Variants in VAV3 observed in about 807,000 individuals in gnomAD.
The protein encoded by VAV3 is vav guanine nucleotide exchange factor 3.
VAV3 carries 94 observed loss-of-function variants against 131.2 expected under a neutral mutation model. The ratio of observed to expected loss-of-function variants is 0.72; its 90% CI spans 0.61 to 0.85. The LOEUF (loss-of-function observed/expected upper bound fraction) is 0.85, where lower values mean the gene tolerates loss of function less well. Ranked by LOEUF, VAV3 falls within the 40% of genes least tolerant of loss-of-function variation. The pLI is 0.00. For missense variants in VAV3, 939 were observed against 1,002.7 expected (o/e 0.94, Z 0.86); for synonymous variants, 349 against 342.0 (o/e 1.02, Z -0.22).
intron 2 of VAV3, among the ~76,000 whole-genome samples, chr1:107,821,898 G>A (rs565052614): frequency 3.9e-4 from 60 of 152,180 alleles, no homozygotes; most frequent in African/African-American, 1.3e-3. Flanking sequence ...CTATCTTAGG[G>A]GAAGAAGTAC....
At chr1:107,731,125 C>T (rs1662214672) in intron 15 of VAV3, among the ~76,000 whole-genome samples, 2 of 152,180 alleles carry the variant, frequency 1.3e-5, no homozygotes, top group African/African-American at 4.8e-5. Flanking sequence ...ATACTCTTAA[C>T]ATTAAAGTAT....
At chr1:107,793,881 A>G (rs1557851235) in intron 2 of VAV3, among the ~76,000 whole-genome samples, 1 of 152,234 alleles carries the variant, frequency 6.6e-6, no homozygotes, top group Non-Finnish European at 1.5e-5. Flanking sequence ...GGGAGATAGT[A>G]AAGGAAGCAG....
At chr1:107,578,480 T>A (rs1649810507) in intron 25 of VAV3, among the ~76,000 whole-genome samples, 3 of 152,136 alleles carry the variant, frequency 2.0e-5, no homozygotes, top group Non-Finnish European at 2.9e-5. Flanking sequence ...ATGACACACA[T>A]CTAACTCTAT....
rs532625931 is a variant in VAV3, at chr1:107,884,139, T to TAAA, written c.205-9125_205-9123dup. On this transcript the variant is annotated intron_variant, in intron 1 of 26. Transcript: ENST00000370056. Reference sequence around the variant, plus strand: ...AGCAACCCAGAGATGGGGCCCAGTTTAAAAAAAAAAAAAAAGTTAAAAAGA... The same window carrying TAAA: ...AGCAACCCAGAGATGGGGCCCAGTTTAAAAAAAAAAAAAAAAAAGTTAAAAAGA... Among the ~76,000 whole-genome samples, 3 of 138,598 alleles carry TAAA rather than the reference T, an allele frequency of 2.2e-5. No homozygotes were observed. The East Asian group carries it at 6.1e-4, about 28-fold the overall frequency. 90.9% of individuals were successfully genotyped at this position (138,598 alleles called of 152,430 possible).
chr1:107,953,746 T>C (rs1674666277), intron 1 of VAV3, among the ~76,000 whole-genome samples: 1 of 152,074 alleles, frequency 6.6e-6, no homozygotes, highest in Admixed American at 6.6e-5. Flanking sequence ...GGAAAAGGCA[T>C]AGGGAAGCAC....
chr1:107,616,524 C>A (rs1045414402), intron 21 of VAV3, among the ~76,000 whole-genome samples: 6 of 152,106 alleles, frequency 3.9e-5, no homozygotes, highest in Non-Finnish European at 7.4e-5. Context: ...ATCTGTACAC[C>A]AAACCCCCAT....
At chr1:107,637,519 TG>T (rs1267364495) in intron 20 of VAV3, among the ~76,000 whole-genome samples, 14 of 152,166 alleles carry the variant, frequency 9.2e-5, no homozygotes, top group African/African-American at 3.4e-4. Flanking sequence ...GCTACTCATG[TG>T]GCTGAGGCAC....
chr1:107,761,398 A>T (rs1466786177), intron 9 of VAV3, among the ~76,000 whole-genome samples: 2 of 151,564 alleles, frequency 1.3e-5, no homozygotes, highest in Non-Finnish European at 2.9e-5. Context: ...GTCTCAAAAA[A>T]AAAAAAAAAA....
At chr1:107,592,243 T>C (rs996511242) in intron 25 of VAV3, among the ~76,000 whole-genome samples, 2 of 152,264 alleles carry the variant, frequency 1.3e-5, no homozygotes, top group African/African-American at 4.8e-5. Context: ...GAATGTCTTT[T>C]AGTTTGGGAT....
chr1:107,911,858 T>C (rs1309570530), intron 1 of VAV3, among the ~76,000 whole-genome samples: 1 of 152,184 alleles, frequency 6.6e-6, no homozygotes, highest in Non-Finnish European at 1.5e-5. Context: ...TCCTTTAGAT[T>C]CCTCTGTCCA....
chr1:107,915,401 G>A (rs1314642764), intron 1 of VAV3, among the ~76,000 whole-genome samples: 4 of 152,148 alleles, frequency 2.6e-5, no homozygotes, highest in Non-Finnish European at 5.9e-5. Context: ...CCAGGTGCAA[G>A]TTATGACTAT....
chr1:107,772,721 A>C lies in VAV3; in HGVS notation c.555+14T>G. 6.3e-7 allele frequency: 1 copy of C among 1,596,444 alleles called. No homozygotes were observed. The highest frequency in any genetic ancestry group is 1.3e-5 in the African/African-American group (1 of 74,432). Reference sequence around the variant, plus strand: ...AATATTCAGAGTAACTTTAAAAACAAGTAAAAGTCCTACGGGCTGATGTGC... The same window carrying C: ...AATATTCAGAGTAACTTTAAAAACACGTAAAAGTCCTACGGGCTGATGTGC... On this transcript the variant is annotated intron_variant, in intron 5 of 26. Coordinates refer to ENST00000370056, the MANE Select transcript of VAV3 (RefSeq NM_006113.5).
intron 25 of VAV3, among the ~76,000 whole-genome samples, chr1:107,592,854 A>C (rs1054769702): frequency 6.6e-6 from 1 of 152,146 alleles, no homozygotes; most frequent in African/African-American, 2.4e-5. Context: ...CCCTTCAAAT[A>C]TACAAGCCCT....
chr1:107,846,321 C>G (rs1195225328), intron 2 of VAV3, among the ~76,000 whole-genome samples: 1 of 152,164 alleles, frequency 6.6e-6, no homozygotes, highest in African/African-American at 2.4e-5. Flanking sequence ...AAAGGAAAAG[C>G]CAGTACCAGC....
At chr1:107,736,309 G>A (rs1662627975) in intron 15 of VAV3, among the ~76,000 whole-genome samples, 1 of 152,274 alleles carries the variant, frequency 6.6e-6, no homozygotes, top group Non-Finnish European at 1.5e-5. Flanking sequence ...AGACAGGGAT[G>A]CCCTCTCTCA....
At chr1:107,735,627 G>C (rs1008075412) in intron 15 of VAV3, among the ~76,000 whole-genome samples, 3 of 127,380 alleles carry the variant, frequency 2.4e-5, no homozygotes, top group Non-Finnish European at 5.0e-5. Flanking sequence ...TAAATTCCTA[G>C]ACACATACAC....
chr1:107,928,568 T>C lies in VAV3; in HGVS notation c.204+36098A>G, dbSNP rs180945433. On this transcript the variant is annotated intron_variant, in intron 1 of 26. Transcript: ENST00000370056. The stretch of plus-strand genomic sequence containing the variant: ...GATAAATTTAACAAAGGGATTGAAA[T>C]AATTTTCAAAGGTTAAGTCGAAATT... Among the ~76,000 whole-genome samples, 781 of 152,330 alleles carry C rather than the reference T, an allele frequency of 5.1e-3. 7 individuals are homozygous for C. Among genetic ancestry groups the C allele is most frequent in the Non-Finnish European group, 7.7e-3 (521 of 68,034 alleles).
At position 107,596,303 on chromosome 1, in the gene VAV3, T is replaced by C. The variant is rs768711543; in HGVS notation, c.2259A>G (p.Glu753=). The C allele has an allele frequency of 1.9e-6, 3 of 1,613,526 alleles. No individual in the cohort carries two copies. The South Asian group carries it at 3.3e-5, about 18-fold the overall frequency. Residue 753 remains glutamate (E), a synonymous_variant, in exon 25 of 27, where the codon GAA becomes GAG. Transcript: ENST00000370056. ...VEYYKHHSLK[E]GFRTLDTTLQ... is the part of the protein sequence containing the mutation. ...GAGTTGTATCTAAGGTTCTGAACCC[T>C]TCCTTGAGAGAATGATGCTTGTAGT...
intron 2 of VAV3, among the ~76,000 whole-genome samples, chr1:107,834,132 A>G (rs1422309585): frequency 6.6e-6 from 1 of 152,214 alleles, no homozygotes; most frequent in Non-Finnish European, 1.5e-5. Context: ...TTTTCTCATT[A>G]TGCAATTTTG....
Sources: gnomAD v4.1 joint callset for allele counts (sites outside exome capture counted in the v4.1 genomes callset) on GRCh38, gnomAD v4.1.1 for gene constraint, MANE v1.5 for transcripts, NCBI Gene and HGNC (gene_info 2026-07-23, HGNC 2026-07-21) for gene names.